Variants in HAUS3 observed in about 807,000 individuals in gnomAD.
HAUS3 encodes the protein HAUS augmin like complex subunit 3, also known as HAUS augmin-like complex subunit 3.
Under a neutral mutation model 55.2 loss-of-function variants are expected in HAUS3, and 36 were observed. That is an observed-to-expected ratio of 0.65 (90% CI 0.50 to 0.86). The LOEUF is 0.86. Among genes scored for constraint, HAUS3 ranks in the 40% least tolerant of loss-of-function variants. The pLI is 0.00. For synonymous variants in HAUS3, 234 were observed against 238.6 expected, an observed-to-expected ratio of 0.98 and a Z score of 0.18; for missense variants, 752 against 671.5, an observed-to-expected ratio of 1.12 and a Z score of -1.33.
chr4:2,230,581 A>T lies in HAUS3; in HGVS notation c.*1346T>A, dbSNP rs1734544737. The T allele has an allele frequency of 1.3e-5, 2 of 152,076 alleles. No individual in the cohort carries two copies. The highest frequency in any genetic ancestry group is 4.8e-5 in the African/African-American group (2 of 41,398). 9.4% of individuals were successfully genotyped at this position (152,076 alleles called of 1,614,324 possible). A position where few individuals can be genotyped will look rare whatever the true frequency, so the allele number is the denominator to read the frequency against. On this transcript the variant is annotated 3_prime_UTR_variant, in exon 6 of 6. Transcript: ENST00000443786. The stretch of plus-strand genomic sequence containing the variant: ...AAATTTTAAATAACATAAACACAAT[A>T]ATTGGCAAAATATTTTTGTTCAATG...
chr4:2,236,996 A>C (rs2108778784), intron 4 of HAUS3, among the ~76,000 whole-genome samples: 1 of 151,908 alleles, frequency 6.6e-6, no homozygotes, highest in East Asian at 1.9e-4. Context: ...TAACTACTAC[A>C]TTAGATAAAC....
At position 2,229,115 on chromosome 4, in the gene HAUS3, C is replaced by T. The variant is rs770903378; in HGVS notation, c.*2812G>A. Reference sequence around the variant, plus strand: ...ATTACTTACTCTCTGTACTCTTTCCCCAAGTCTTAGAATCCACTAAATCAC... The same window carrying T: ...ATTACTTACTCTCTGTACTCTTTCCTCAAGTCTTAGAATCCACTAAATCAC... On this transcript the variant is annotated 3_prime_UTR_variant, in exon 6 of 6. Coordinates refer to ENST00000443786, the MANE Select transcript of HAUS3 (RefSeq NM_001303143.2). 6.2e-7 allele frequency: 1 copy of T among 1,604,616 alleles called. No individual in the cohort carries two copies. Among genetic ancestry groups the T allele is most frequent in the East Asian group, 2.2e-5 (1 of 44,776 alleles).
chr4:2,232,084 T>A lies in HAUS3; in HGVS notation c.1655A>T (p.Asp552Val), dbSNP rs574720440. The A allele has an allele frequency of 4.9e-5, 78 of 1,604,234 alleles. 2 individuals are homozygous for A. The South Asian group carries it at 8.3e-4, about 17-fold the overall frequency. ...LNHLLTDILA[D>V]VKTKRKTLAN... ...CAAAGTTTTTCTTTTTGTCTTCACATCAGCAAGAATATCAGTGAGGAGATG... is the reference window on the plus strand; with the variant it reads ...CAAAGTTTTTCTTTTTGTCTTCACAACAGCAAGAATATCAGTGAGGAGATG... The change falls in exon 6 of 6, where the codon GAT becomes GTT. Residue 552 changes from aspartate (D) to valine (V), a missense_variant. Transcript: ENST00000443786.
Position 2,230,802 on chromosome 4 carries a change from T to C in HAUS3, c.*1125A>G, listed in dbSNP as rs182850783. ...GTATTTACCACAGGCCATGTATAAA[T>C]TGGGCACTCAAGAAGCATCTGATGT... On this transcript the variant is annotated 3_prime_UTR_variant, in exon 6 of 6. Coordinates refer to ENST00000443786, the MANE Select transcript of HAUS3 (RefSeq NM_001303143.2). 3.3e-5 allele frequency: 5 copies of C among 152,294 alleles called. No individual in the cohort carries two copies. The highest frequency in any genetic ancestry group is 9.6e-5 in the African/African-American group (4 of 41,564). 9.4% of individuals were successfully genotyped at this position (152,294 alleles called of 1,614,324 possible).
At chr4:2,235,043 G>A (rs1390631391) in intron 5 of HAUS3, among the ~76,000 whole-genome samples, 2 of 152,116 alleles carry the variant, frequency 1.3e-5, no homozygotes, top group East Asian at 1.9e-4. Flanking sequence ...CCGCCACCAC[G>A]CCCGGCTAAT....
intron 5 of HAUS3, among the ~76,000 whole-genome samples, chr4:2,234,982 T>G (rs1248390151): frequency 6.6e-6 from 1 of 152,086 alleles, no homozygotes; most frequent in Non-Finnish European, 1.5e-5. Flanking sequence ...GCCTCCCGGG[T>G]TCAAGGGATT....
At chr4:2,237,444 A>AGAAAGGGAAG (rs960020209) in intron 4 of HAUS3, among the ~76,000 whole-genome samples, 1 of 151,914 alleles carries the variant, frequency 6.6e-6, no homozygotes, top group Non-Finnish European at 1.5e-5. Flanking sequence ...TTAAAAGGAA[A>AGAAAGGGAAG]GAAAGGGAAG....
chr4:2,240,655 C>G lies in HAUS3; in HGVS notation c.292G>C (p.Glu98Gln). The G allele has an allele frequency of 2.5e-6, 4 of 1,613,920 alleles. 1 individual carries two copies. The highest frequency in any genetic ancestry group is 1.3e-5 in the African/African-American group (1 of 75,008). The change falls in exon 3 of 6, where the codon GAG (glutamate) becomes CAG (glutamine). Residue 98 changes from glutamate to glutamine, a missense_variant. Glu to Gln is a conservative substitution (Grantham distance 29). Coordinates refer to ENST00000443786, the MANE Select transcript of HAUS3 (RefSeq NM_001303143.2). Reference protein sequence around the residue: ...DLKTPRLDDKELEKLEDEVQT... With the variant: ...DLKTPRLDDKQLEKLEDEVQT... Reference sequence around the variant, plus strand: ...ACCTCATCCTCTAATTTCTCCAGCTCTTTATCATCCAGTCTAGGTGTCTTC... The same window carrying G: ...ACCTCATCCTCTAATTTCTCCAGCTGTTTATCATCCAGTCTAGGTGTCTTC...
chr4:2,239,443 A>G (rs1424125073), intron 3 of HAUS3, among the ~76,000 whole-genome samples: 1 of 152,244 alleles, frequency 6.6e-6, no homozygotes, highest in Non-Finnish European at 1.5e-5. Context: ...TGGATTTCCT[A>G]TATCATTCAA....
intron 5 of HAUS3, among the ~76,000 whole-genome samples, chr4:2,235,735 C>A (rs1157819502): frequency 6.6e-6 from 1 of 152,008 alleles, no homozygotes; most frequent in Non-Finnish European, 1.5e-5. Context: ...AAACTAAATA[C>A]ACAGTCTAGG....
rs763383037 is a variant in HAUS3, at chr4:2,236,422, T to G, written c.1384A>C (p.Lys462Gln). The change falls in exon 5 of 6, where the codon AAA (lysine) becomes CAA (glutamine). Residue 462 changes from lysine (K) to glutamine (Q), a missense_variant. Lys to Gln is a moderately conservative substitution (Grantham distance 53, BLOSUM62 1). Transcript: ENST00000443786. ...TTTCCATGAGTTAGAAACAATTCTT[T>G]TTTCTTATTCTCTCCCTCCAAAACT... is the stretch of plus-strand genomic sequence containing the variant. ...YQVLEGENKK[K>Q]ELFLTHGNLE... 1 of 1,613,236 alleles carries G rather than the reference T, an allele frequency of 6.2e-7. No individual in the cohort carries two copies. Among genetic ancestry groups the G allele is most frequent in the South Asian group, 1.1e-5 (1 of 91,064 alleles).
chr4:2,238,599 C>G lies in HAUS3; in HGVS notation c.1349+5G>C. On this transcript the variant is annotated splice_donor_5th_base_variant and intron_variant, in intron 4 of 5. Coordinates refer to ENST00000443786, the MANE Select transcript of HAUS3 (RefSeq NM_001303143.2). Reference sequence around the variant, plus strand: ...TTTACTAAAGAAACAATGAAGCATACGTACCTATGAGTAGAATAATCCTTA... The same window carrying G: ...TTTACTAAAGAAACAATGAAGCATAGGTACCTATGAGTAGAATAATCCTTA... The G allele has an allele frequency of 1.3e-6, 2 of 1,525,446 alleles. No homozygotes were observed. The highest frequency in any genetic ancestry group is 1.8e-6 in the Non-Finnish European group (2 of 1,121,790). 94.5% of individuals were successfully genotyped at this position (1,525,446 alleles called of 1,614,324 possible). A position where few individuals can be genotyped will look rare whatever the true frequency, so the allele number is the denominator to read the frequency against.
intron 4 of HAUS3, among the ~76,000 whole-genome samples, chr4:2,236,811 C>T (rs1353147737): frequency 6.6e-6 from 1 of 151,380 alleles, no homozygotes; most frequent in East Asian, 1.9e-4. Flanking sequence ...TGCAGTGAAC[C>T]CAGATTGCGC....
intron 5 of HAUS3, among the ~76,000 whole-genome samples, chr4:2,234,097 C>T (rs986832616): frequency 1.3e-5 from 2 of 152,034 alleles, no homozygotes; most frequent in African/African-American, 4.8e-5. Context: ...TAACAATAAC[C>T]AGCTACAAAA....
At chr4:2,239,287 ATCT>A (rs1218730947) in intron 3 of HAUS3, among the ~76,000 whole-genome samples, 1 of 152,192 alleles carries the variant, frequency 6.6e-6, no homozygotes, top group Admixed American at 6.5e-5. Flanking sequence ...CAAAATAGAG[ATCT>A]TATTATACTT....
chr4:2,239,717 G>A (rs1161705630), intron 3 of HAUS3, among the ~76,000 whole-genome samples: 2 of 152,140 alleles, frequency 1.3e-5, no homozygotes, highest in African/African-American at 2.4e-5. Flanking sequence ...TTAGTTTCTA[G>A]CCACATCTTA....
At chr4:2,241,918 C>A (rs1735004599) in intron 1 of HAUS3, 128 bp from the exon 2 acceptor site, 2 of 985,408 alleles carry the variant, frequency 2.0e-6, no homozygotes, top group African/African-American at 3.5e-5. Context: ...GATCCCCGGG[C>A]AGCTGCTGGA....
At chr4:2,241,896 G>C (rs1026119899) in intron 1 of HAUS3, 106 bp from the exon 2 acceptor site, 19 of 985,500 alleles carry the variant, frequency 1.9e-5, no homozygotes, top group Non-Finnish European at 2.2e-5. Context: ...CTCGCCCAGC[G>C]GACCGGGCCC....
At position 2,236,466 on chromosome 4, in the gene HAUS3, A is replaced by G. The variant is rs764071645; in HGVS notation, c.1350-10T>C. 1.3e-6 allele frequency: 2 copies of G among 1,565,104 alleles called. No individual in the cohort carries two copies. Among genetic ancestry groups the G allele is most frequent in the Admixed American group, 1.7e-5 (1 of 59,366 alleles). Reference sequence around the variant, plus strand: ...CAAAACTTGGTAAAGCCTGAAATGTAAAAATTAAAATTATAGGGAAAAATT... The same window carrying G: ...CAAAACTTGGTAAAGCCTGAAATGTGAAAATTAAAATTATAGGGAAAAATT... On this transcript the variant is annotated splice_polypyrimidine_tract_variant and intron_variant, in intron 4 of 5. Coordinates refer to ENST00000443786, the MANE Select transcript of HAUS3 (RefSeq NM_001303143.2).
Sources: gnomAD v4.1 joint callset for allele counts (sites outside exome capture counted in the v4.1 genomes callset) on GRCh38, gnomAD v4.1.1 for gene constraint, MANE v1.5 for transcripts, NCBI Gene and HGNC (gene_info 2026-07-23, HGNC 2026-07-21) for gene names.